Variants in PIAS2 observed in about 807,000 individuals in gnomAD.
PIAS2 encodes E3 SUMO-protein ligase PIAS2.
A neutral mutation model predicts 69.7 loss-of-function variants in PIAS2; 19 were observed. That is an observed-to-expected ratio of 0.27 (90% CI 0.19 to 0.40). The LOEUF is 0.40. PIAS2 is among the 10% of genes least tolerant of loss of function. The pLI is 1.00. For synonymous variants in PIAS2, 261 were observed against 263.2 expected, an observed-to-expected ratio of 0.99 and a Z score of 0.08; for missense variants, 624 against 757.0, an observed-to-expected ratio of 0.82 and a Z score of 2.06.
intron 3 of PIAS2, among the ~76,000 whole-genome samples, chr18:46,862,859 C>A (rs1025737710): frequency 2.6e-5 from 4 of 152,064 alleles, no homozygotes; most frequent in African/African-American, 9.7e-5. Context: ...GCGCCCGCCA[C>A]CATGCTCGGC....
chr18:46,843,151 C>T (rs1179598029), intron 8 of PIAS2, among the ~76,000 whole-genome samples: 1 of 152,180 alleles, frequency 6.6e-6, no homozygotes, highest in African/African-American at 2.4e-5. Flanking sequence ...GTCTCAGTTT[C>T]TTCATCTACA....
chr18:46,861,608 A>G (rs1430120941), intron 3 of PIAS2, among the ~76,000 whole-genome samples: 1 of 152,226 alleles, frequency 6.6e-6, no homozygotes, highest in East Asian at 1.9e-4. Context: ...TACCCTGAGA[A>G]GGGCACATAA....
chr18:46,823,815 A>G (rs1262604043), intron 11 of PIAS2, among the ~76,000 whole-genome samples: 1 of 152,238 alleles, frequency 6.6e-6, no homozygotes, highest in African/African-American at 2.4e-5. Flanking sequence ...TAGGATTATC[A>G]AATTACATAC....
chr18:46,876,014 C>T (rs1318365103), intron 2 of PIAS2, among the ~76,000 whole-genome samples: 2 of 152,218 alleles, frequency 1.3e-5, no homozygotes, highest in Non-Finnish European at 1.5e-5. Flanking sequence ...GACAACTTAG[C>T]ATTTCTTGGA....
chr18:46,897,841 A>G (rs952723010), intron 1 of PIAS2, among the ~76,000 whole-genome samples: 8 of 152,254 alleles, frequency 5.3e-5, no homozygotes, highest in African/African-American at 1.7e-4. Context: ...CAGTATTCTA[A>G]AAATTCTAGA....
At chr18:46,878,531 C>T (rs865915180) in intron 2 of PIAS2, among the ~76,000 whole-genome samples, 1 of 152,118 alleles carries the variant, frequency 6.6e-6, no homozygotes, top group African/African-American at 2.4e-5. Flanking sequence ...CCCCTGCAAG[C>T]ACTATATTGA....
upstream of PIAS2, among the ~76,000 whole-genome samples, chr18:46,918,830 G>A (rs909224769): frequency 6.6e-6 from 1 of 151,960 alleles, no homozygotes; most frequent in Non-Finnish European, 1.5e-5. Flanking sequence ...CACTTTAAGT[G>A]TCACTTCCTC....
chr18:46,911,211 TTTC>T (rs1198085215), intron 1 of PIAS2, among the ~76,000 whole-genome samples: 1 of 151,682 alleles, frequency 6.6e-6, no homozygotes, highest in East Asian at 1.9e-4. Flanking sequence ...CTTTGTTATA[TTTC>T]TTTTTTTTTT....
chr18:46,918,447 C>G (rs187811742), upstream of PIAS2, among the ~76,000 whole-genome samples: 600 of 152,300 alleles, frequency 3.9e-3, 3 homozygotes, highest in African/African-American at 0.014. Context: ...CCCCTGCCCC[C>G]GCACCCCGCA....
intron 12 of PIAS2, chr18:46,816,040 T>A: frequency 2.0e-6 from 2 of 983,736 alleles, no homozygotes; most frequent in Non-Finnish European, 2.4e-6. Context: ...ATAAATAAAA[T>A]TTTTAGGTCT....
chr18:46,812,680 T>G, intron 13 of PIAS2, 68 bp from the exon 14 acceptor site: 2 of 904,840 alleles, frequency 2.2e-6, no homozygotes, highest in Non-Finnish European at 3.5e-6. Context: ...AGACTAGAAA[T>G]TATTAGATAT....
intron 2 of PIAS2, among the ~76,000 whole-genome samples, chr18:46,867,761 T>A (rs956862698): frequency 1.3e-5 from 2 of 152,242 alleles, no homozygotes; most frequent in African/African-American, 4.8e-5. Flanking sequence ...TTCTTCCAAC[T>A]GAGTAGTGGG....
chr18:46,824,821 G>A (rs1354702523), intron 11 of PIAS2, among the ~76,000 whole-genome samples: 2 of 150,580 alleles, frequency 1.3e-5, no homozygotes, highest in South Asian at 2.1e-4. Flanking sequence ...TGTGCAACAT[G>A]GTAAAACCCC....
In PIAS2 at chr18:46,807,178, A is replaced by G. The variant is rs2040726054; in HGVS notation, c.*5255T>C. 6.6e-6 allele frequency: 1 copy of G among 151,176 alleles called. No homozygotes were observed. Among genetic ancestry groups the G allele is most frequent in the Non-Finnish European group, 1.5e-5 (1 of 67,868 alleles). 9.4% of individuals were successfully genotyped at this position (151,176 alleles called of 1,614,324 possible). A position where few individuals can be genotyped will look rare whatever the true frequency, so the allele number is the denominator to read the frequency against. On this transcript the variant is annotated 3_prime_UTR_variant, in exon 14 of 14. Transcript: ENST00000585916. ...TACAGGAAGAGGAAAAAGAGAGCTGACCTCTTAAGGGCAGGCCTTAGGTAC... is the reference window on the plus strand; with the variant it reads ...TACAGGAAGAGGAAAAAGAGAGCTGGCCTCTTAAGGGCAGGCCTTAGGTAC...
chr18:46,844,444 C>G (rs1297538312), intron 7 of PIAS2, among the ~76,000 whole-genome samples: 1 of 152,136 alleles, frequency 6.6e-6, no homozygotes, highest in African/African-American at 2.4e-5. Context: ...GCTTTTCCAA[C>G]ACACATTCAT....
chr18:46,848,766 AGTGTGTGTGT>A (rs554067671), intron 5 of PIAS2, among the ~76,000 whole-genome samples: 1 of 146,312 alleles, frequency 6.8e-6, no homozygotes, highest in Admixed American at 6.9e-5. Flanking sequence ...AGAGAGAGAC[AGTGTGTGTGT>A]GTGTGTGTGT....
intron 3 of PIAS2, among the ~76,000 whole-genome samples, chr18:46,862,646 C>T (rs902562609): frequency 1.1e-4 from 17 of 151,574 alleles, no homozygotes; most frequent in Admixed American, 3.3e-4. Context: ...CATATATATA[C>T]ACATATATAC....
At chr18:46,874,959 G>A (rs937972853) in intron 2 of PIAS2, among the ~76,000 whole-genome samples, 3 of 152,200 alleles carry the variant, frequency 2.0e-5, no homozygotes, top group Middle Eastern at 3.4e-3. Context: ...CAGACCACAC[G>A]CGAGTGAAAG....
At chr18:46,906,772 G>GTA (rs2056653551) in intron 1 of PIAS2, among the ~76,000 whole-genome samples, 1 of 113,476 alleles carries the variant, frequency 8.8e-6, no homozygotes, top group Non-Finnish European at 1.9e-5. Flanking sequence ...ATGTGTGTGT[G>GTA]TGGGGGGGGG....
Sources: allele counts gnomAD v4.1 joint callset (sites outside exome capture counted in the v4.1 genomes callset), GRCh38; gene constraint gnomAD v4.1.1; transcripts MANE v1.5; gene names NCBI Gene and HGNC (gene_info 2026-07-23, HGNC 2026-07-21).